Variants in RASA1 observed in about 807,000 individuals in gnomAD.
The protein encoded by RASA1 is RAS p21 protein activator 1.
RASA1 carries 25 observed loss-of-function variants against 132.2 expected under a neutral mutation model. That is an observed-to-expected ratio of 0.19 (90% confidence interval 0.14 to 0.26). The LOEUF (loss-of-function observed/expected upper bound fraction) is 0.26. Ranked by LOEUF, RASA1 falls within the 10% of genes least tolerant of loss-of-function variation. The pLI, the probability that RASA1 is intolerant of heterozygous loss-of-function variation, is 1.00. For synonymous variants in RASA1, 477 were observed against 449.9 expected, an observed-to-expected ratio of 1.06 and a Z score of -0.76; for missense variants, 964 against 1,299.2, an observed-to-expected ratio of 0.74 and a Z score of 3.97.
intron 12 of RASA1, among the ~76,000 whole-genome samples, chr5:87,370,587 AG>A (rs1760857434): frequency 6.6e-6 from 1 of 152,202 alleles, no homozygotes; most frequent in African/African-American, 2.4e-5. Flanking sequence ...GCATTAGCAC[AG>A]GAGTTTGAGT....
rs531114230 is a variant in RASA1, at chr5:87,338,209, A to G, written c.1017+118A>G. On this transcript the variant is annotated intron_variant, in intron 5 of 24. Coordinates refer to ENST00000274376, the MANE Select transcript of RASA1 (RefSeq NM_002890.3). ...TTTCTTTTATAAAAGAACTTAATTG[A>G]TAAGTACAAGAATTATAAGTGCTGT... The G allele has an allele frequency of 5.3e-6, 8 of 1,495,886 alleles. No individual in the cohort carries two copies. In the East Asian group the frequency reaches 1.9e-4, roughly 36 times the overall value. 92.7% of individuals were successfully genotyped at this position (1,495,886 alleles called of 1,614,324 possible). A position where few individuals can be genotyped will look rare whatever the true frequency, so the allele number is the denominator to read the frequency against.
At chr5:87,352,501 A>G (rs1246826865) in intron 8 of RASA1, among the ~76,000 whole-genome samples, 1 of 151,802 alleles carries the variant, frequency 6.6e-6, no homozygotes, top group Non-Finnish European at 1.5e-5. Flanking sequence ...TTATATTTAA[A>G]AAAATACGTG....
At position 87,353,153 on chromosome 5, in the gene RASA1, A is replaced by T. The variant is rs369061989; in HGVS notation, c.1254-4A>T. The stretch of plus-strand genomic sequence containing the variant: ...ATTAATACTAGAAATTTTTATTTTA[A>T]CAGCATTGGGGACATCATAGATCAC... On this transcript the variant is annotated splice_polypyrimidine_tract_variant and splice_region_variant and intron_variant, in intron 8 of 24. Coordinates refer to ENST00000274376, the MANE Select transcript of RASA1 (RefSeq NM_002890.3). The T allele has an allele frequency of 2.2e-5, 35 of 1,603,950 alleles. No homozygotes were observed. The African/African-American group carries it at 4.3e-4, about 20-fold the overall frequency.
chr5:87,338,530 TATA>T (rs1269119900), intron 5 of RASA1, among the ~76,000 whole-genome samples: 1 of 97,504 alleles, frequency 1.0e-5, no homozygotes, highest in African/African-American at 3.7e-5. Context: ...TATATATATA[TATA>T]AAATTTTTTT....
chr5:87,278,909 C>CTTTTTTTTTTTTTTTTTTTTTTTTTTTT (rs58122450), intron 1 of RASA1, among the ~76,000 whole-genome samples: 1 of 83,998 alleles, frequency 1.2e-5, no homozygotes, highest in African/African-American at 4.5e-5. Context: ...CTAATTTGTT[C>CTTTTTTTTTTTTTTTTTTTTTTTTTTTT]TTTTTTTTTT....
At chr5:87,367,321 CTTT>C (rs1290781702) in intron 11 of RASA1, among the ~76,000 whole-genome samples, 2 of 151,846 alleles carry the variant, frequency 1.3e-5, no homozygotes, top group African/African-American at 2.4e-5. Context: ...ATATCTTTTT[CTTT>C]ATTATCAAAT....
chr5:87,269,326 G>A (rs1217220505), intron 1 of RASA1: 2 of 1,533,288 alleles, frequency 1.3e-6, no homozygotes, highest in Non-Finnish European at 1.7e-6. Flanking sequence ...GGCTACCAAG[G>A]CAGTCATAGT....
chr5:87,367,073 A>G (rs959625863), intron 11 of RASA1, among the ~76,000 whole-genome samples: 7 of 152,180 alleles, frequency 4.6e-5, no homozygotes, highest in Admixed American at 2.0e-4. Flanking sequence ...TTTTTTTTTC[A>G]AAGTATGCTA....
intron 8 of RASA1, among the ~76,000 whole-genome samples, chr5:87,350,925 T>C (rs890734172): frequency 2.6e-5 from 4 of 151,738 alleles, no homozygotes; most frequent in African/African-American, 7.2e-5. Flanking sequence ...TTTGGAAATA[T>C]ATATTTCATT....
intron 1 of RASA1, among the ~76,000 whole-genome samples, chr5:87,289,266 C>T (rs1349200597): frequency 6.6e-6 from 1 of 152,156 alleles, no homozygotes; most frequent in Non-Finnish European, 1.5e-5. Context: ...CATAAGGGCA[C>T]ATGACGTCAA....
At chr5:87,274,353 A>AAAT (rs1753978424) in intron 1 of RASA1, among the ~76,000 whole-genome samples, 1 of 152,192 alleles carries the variant, frequency 6.6e-6, no homozygotes, top group South Asian at 2.1e-4. Flanking sequence ...TTATTAAGTC[A>AAAT]AATAATTGGT....
At chr5:87,344,088 A>C (rs1758672322) in intron 6 of RASA1, among the ~76,000 whole-genome samples, 1 of 152,140 alleles carries the variant, frequency 6.6e-6, no homozygotes, top group South Asian at 2.1e-4. Flanking sequence ...GGAAGGGGGG[A>C]TACAATATGG....
At chr5:87,354,737 G>A (rs1363647317) in intron 9 of RASA1, among the ~76,000 whole-genome samples, 1 of 152,172 alleles carries the variant, frequency 6.6e-6, no homozygotes. Flanking sequence ...TAGGCTGAAA[G>A]CTAGGTCTCT....
At chr5:87,293,250 ATT>A (rs1164236637) in intron 1 of RASA1, among the ~76,000 whole-genome samples, 1 of 143,610 alleles carries the variant, frequency 7.0e-6, no homozygotes, top group African/African-American at 2.5e-5. Context: ...TTTTTGGTAG[ATT>A]TTTTTTTTTT....
chr5:87,285,748 A>G (rs1195203151), intron 1 of RASA1, among the ~76,000 whole-genome samples: 2 of 149,840 alleles, frequency 1.3e-5, no homozygotes, highest in Admixed American at 1.3e-4. Flanking sequence ...CCTCCTGAGT[A>G]GCTGGGATCA....
At chr5:87,326,326 T>C (rs182262875) in intron 1 of RASA1, among the ~76,000 whole-genome samples, 1 of 152,248 alleles carries the variant, frequency 6.6e-6, no homozygotes, top group Admixed American at 6.5e-5. Context: ...ATAGAGTGAT[T>C]TCTGTGACTT....
chr5:87,272,226 A>G (rs191448554), intron 1 of RASA1, among the ~76,000 whole-genome samples: 1 of 152,212 alleles, frequency 6.6e-6, no homozygotes, highest in East Asian at 1.9e-4. Context: ...CACCATTACT[A>G]CATGTATTTG....
chr5:87,302,624 TAA>T (rs1755420035), intron 1 of RASA1, among the ~76,000 whole-genome samples: 1 of 151,620 alleles, frequency 6.6e-6, no homozygotes, highest in African/African-American at 2.4e-5. Context: ...TATACTATAC[TAA>T]AGCATAGTAT....
In RASA1 at chr5:87,295,680, T is replaced by G. The variant is rs73156347; in HGVS notation, c.539+26690T>G. ...CCACCATGCCTGGCTAGTTACTGTT[T>G]GTGCTTTTTTTTGTAGAGATAGGGT... On this transcript the variant is annotated intron_variant, in intron 1 of 24. Transcript: ENST00000274376. Among the ~76,000 whole-genome samples the G allele has an allele frequency of 1.4e-3, 214 of 152,084 alleles. 1 individual carries two copies. Among genetic ancestry groups the G allele is most frequent in the African/African-American group, 4.9e-3 (204 of 41,500 alleles).
Sources: allele counts gnomAD v4.1 joint callset (sites outside exome capture counted in the v4.1 genomes callset), GRCh38; gene constraint gnomAD v4.1.1; transcripts MANE v1.5; gene names NCBI Gene and HGNC (gene_info 2026-07-23, HGNC 2026-07-21).